Variants in BIRC5 observed in about 807,000 individuals in gnomAD.
The protein encoded by BIRC5 is baculoviral IAP repeat-containing protein 5.
BIRC5 carries 8 observed loss-of-function variants against 15.8 expected under a neutral mutation model. The observed-to-expected ratio is 0.51, with a 90% confidence interval of 0.30 to 0.91. The LOEUF (loss-of-function observed/expected upper bound fraction) is 0.91, where lower values mean the gene tolerates loss of function less well. Among genes scored for constraint, BIRC5 ranks in the 40% least tolerant of loss-of-function variants. The pLI is 0.07. For missense variants in BIRC5, 163 were observed against 178.6 expected, an observed-to-expected ratio of 0.91 and a Z score of 0.50; for synonymous variants, 56 against 64.5, an observed-to-expected ratio of 0.87 and a Z score of 0.63.
chr17:78,220,516 T>C (rs2856270), intron 3 of BIRC5, among the ~76,000 whole-genome samples: 98,298 of 151,596 alleles, frequency 0.65, 31,924 homozygotes, highest in Middle Eastern at 0.77. Flanking sequence ...GCAGGAGACC[T>C]CTCGGTCTCT....
chr17:78,219,778 C>T (rs376490792), intron 3 of BIRC5, among the ~76,000 whole-genome samples: 42 of 152,254 alleles, frequency 2.8e-4, no homozygotes, highest in African/African-American at 9.1e-4. Context: ...ATTCTTAGCC[C>T]GTGGGCTGGA....
intron 2 of BIRC5, 150 bp from the exon 3 acceptor site, chr17:78,216,514 G>T: frequency 1.5e-6 from 1 of 666,656 alleles, no homozygotes. Flanking sequence ...CTTGGGCAAA[G>T]CACTGATGCC....
chr17:78,222,794 G>A (rs751534472), intron 3 of BIRC5: 142 of 1,534,680 alleles, frequency 9.3e-5, no homozygotes, highest in Non-Finnish European at 1.2e-4. Flanking sequence ...GGGGGTCCCT[G>A]GATTTGCTAA....
Position 78,215,274 on chromosome 17 carries a change from G to A in BIRC5, c.221+485G>A, listed in dbSNP as rs768838846. ...TCTACTAAAAATACAAAAATTAGCCGGGCATGGTAGCGCACGCCCGTAATC... is the reference window on the plus strand; with the variant it reads ...TCTACTAAAAATACAAAAATTAGCCAGGCATGGTAGCGCACGCCCGTAATC... On this transcript the variant is annotated intron_variant, in intron 2 of 3. Transcript: ENST00000350051. Among the ~76,000 whole-genome samples the A allele has an allele frequency of 4.6e-5, 7 of 152,172 alleles. No individual in the cohort carries two copies. In the South Asian group the frequency reaches 6.2e-4, roughly 14 times the overall value.
At position 78,225,224 on chromosome 17, in the gene BIRC5, C is replaced by T. The variant is rs904070308; in HGVS notation, c.*1670C>T. On this transcript the variant is annotated 3_prime_UTR_variant, in exon 4 of 4. Coordinates refer to ENST00000350051, the MANE Select transcript of BIRC5 (RefSeq NM_001168.3). ...GTGGGCAGGGCTGAGCTGGAGCCGCCCCTCTCAGCCCGCCTGCCACGGCCT... is the reference window on the plus strand; with the variant it reads ...GTGGGCAGGGCTGAGCTGGAGCCGCTCCTCTCAGCCCGCCTGCCACGGCCT... The T allele has an allele frequency of 3.3e-5, 5 of 152,218 alleles. No homozygotes were observed. The highest frequency in any genetic ancestry group is 1.2e-4 in the African/African-American group (5 of 41,454). The allele number at this position is 152,218 out of a possible 1,614,324, so 9.4% of individuals were successfully genotyped here. A position where few individuals can be genotyped will look rare whatever the true frequency, so the allele number is the denominator to read the frequency against.
chr17:78,223,600 C>T lies in BIRC5; in HGVS notation c.*46C>T. 6.2e-7 allele frequency: 1 copy of T among 1,612,322 alleles called. No homozygotes were observed. Among genetic ancestry groups the T allele is most frequent in the Non-Finnish European group, 8.5e-7 (1 of 1,179,070 alleles). Reference sequence around the variant, plus strand: ...TGGTCCCAGAGTGGCTGCACCACTTCCAGGGTTTATTCCCTGGTGCCACCA... The same window carrying T: ...TGGTCCCAGAGTGGCTGCACCACTTTCAGGGTTTATTCCCTGGTGCCACCA... On this transcript the variant is annotated 3_prime_UTR_variant, in exon 4 of 4. Transcript: ENST00000350051.
At chr17:78,220,241 A>C (rs2076505892) in intron 3 of BIRC5, among the ~76,000 whole-genome samples, 1 of 152,148 alleles carries the variant, frequency 6.6e-6, no homozygotes, top group African/African-American at 2.4e-5. Flanking sequence ...ATCCTGGCTA[A>C]CATGGTGAAA....
chr17:78,220,993 G>A (rs543404092), intron 3 of BIRC5, among the ~76,000 whole-genome samples: 2 of 152,342 alleles, frequency 1.3e-5, no homozygotes, highest in South Asian at 2.1e-4. Flanking sequence ...CCAGGAGGGC[G>A]CTGCTGTGGA....
intron 3 of BIRC5, chr17:78,222,993 G>C: frequency 6.7e-7 from 1 of 1,482,974 alleles, no homozygotes; most frequent in Non-Finnish European, 8.9e-7. Flanking sequence ...CAGGAGAAAG[G>C]TAGGGCAGTG....
chr17:78,216,734 C>T lies in BIRC5; in HGVS notation c.292C>T (p.Leu98Phe). The change falls in exon 3 of 4, where the codon CTT (leucine) becomes TTT (phenylalanine). Residue 98 changes from leucine to phenylalanine, a missense_variant. Transcript: ENST00000350051. ...SVKKQFEELTLGEFLKLDRER... is the reference protein window; with the variant it reads ...SVKKQFEELTFGEFLKLDRER... ...CAAGAAGCAGTTTGAAGAATTAACCCTTGGTGAATTTTTGAAACTGGACAG... is the reference window on the plus strand; with the variant it reads ...CAAGAAGCAGTTTGAAGAATTAACCTTTGGTGAATTTTTGAAACTGGACAG... 1 of 1,614,018 alleles carries T rather than the reference C, an allele frequency of 6.2e-7. No individual in the cohort carries two copies. Among genetic ancestry groups the T allele is most frequent in the Non-Finnish European group, 8.5e-7 (1 of 1,179,942 alleles).
chr17:78,217,477 C>G, intron 3 of BIRC5, among the ~76,000 whole-genome samples: 2 of 150,854 alleles, frequency 1.3e-5, no homozygotes, highest in South Asian at 4.2e-4. Context: ...CACCTGGCCT[C>G]AGGAAGTATT....
In BIRC5 at chr17:78,214,385, G is replaced by C; in HGVS notation, c.69G>C (p.Lys23Asn). 6.2e-7 allele frequency: 1 copy of C among 1,602,840 alleles called. No individual in the cohort carries two copies. Among genetic ancestry groups the C allele is most frequent in the South Asian group, 1.1e-5 (1 of 90,308 alleles). ...FLKDHRISTF[K>N]NWPFLEGCAC... ...AGGACCACCGCATCTCTACATTCAA[G>C]AACTGGCCCTTCTTGGAGGGCTGCG... The change falls in exon 1 of 4, where the codon AAG becomes AAC. Residue 23 changes from lysine (K) to asparagine (N), a missense_variant. Physicochemically the swap from Lys to Asn is moderately conservative, Grantham distance 94 (BLOSUM62 0). Coordinates refer to ENST00000350051, the MANE Select transcript of BIRC5 (RefSeq NM_001168.3).
At chr17:78,216,804 G>C (rs1007437285) in intron 3 of BIRC5, 23 bp downstream of exon 3, 2 of 1,565,996 alleles carry the variant, frequency 1.3e-6, no homozygotes, top group African/African-American at 1.4e-5. Flanking sequence ...AATAAGAACT[G>C]CTCAAACCCT....
intron 2 of BIRC5, chr17:78,215,016 T>C (rs545893311): frequency 4.1e-6 from 2 of 486,330 alleles, no homozygotes; most frequent in East Asian, 7.8e-5. Context: ...AGATGCCTGA[T>C]GCCTTTCATG....
rs77183789 is a variant in BIRC5 at position 78,216,446 on chromosome 17, G to T, written c.222-218G>T. The stretch of plus-strand genomic sequence containing the variant: ...ATAGATACATTAGCCACACAGATGT[G>T]GGGGGAGATGTCCACAGGGAGAGAG... On this transcript the variant is annotated intron_variant, in intron 2 of 3. Coordinates refer to ENST00000350051, the MANE Select transcript of BIRC5 (RefSeq NM_001168.3). The T allele has an allele frequency of 1.3e-3, 631 of 488,148 alleles. 3 individuals are homozygous for T. The highest frequency in any genetic ancestry group is 0.011 in the East Asian group (313 of 28,364). The allele number at this position is 488,148 out of a possible 1,614,324, so 30.2% of individuals were successfully genotyped here. A position where few individuals can be genotyped will look rare whatever the true frequency, so the allele number is the denominator to read the frequency against.
At chr17:78,217,819 GACTC>G (rs2076490171) in intron 3 of BIRC5, among the ~76,000 whole-genome samples, 1 of 151,542 alleles carries the variant, frequency 6.6e-6, no homozygotes, top group East Asian at 1.9e-4. Flanking sequence ...TTGAGACAGG[GACTC>G]ACTCTGTCAC....
intron 2 of BIRC5, chr17:78,216,346 G>A (rs1200437156): frequency 9.5e-6 from 2 of 210,878 alleles, no homozygotes; most frequent in African/African-American, 4.6e-5. Flanking sequence ...ATGTTGGAGG[G>A]ATTTGACATG....
At chr17:78,216,880 A>ATT (rs376637371) in intron 3 of BIRC5, 99 bp downstream of exon 3, 1,141 of 685,762 alleles carry the variant, frequency 1.7e-3, no homozygotes, top group East Asian at 2.9e-3. Flanking sequence ...CTCAGGAAGC[A>ATT]TTTTTTTTTT....
At chr17:78,218,862 C>T (rs915480755) in intron 3 of BIRC5, among the ~76,000 whole-genome samples, 1 of 151,966 alleles carries the variant, frequency 6.6e-6, no homozygotes, top group Non-Finnish European at 1.5e-5. Flanking sequence ...CTGCCTCGGC[C>T]TCCCAAAGCG....
Sources: allele counts gnomAD v4.1 joint callset (sites outside exome capture counted in the v4.1 genomes callset), GRCh38; gene constraint gnomAD v4.1.1; transcripts MANE v1.5; gene names NCBI Gene and HGNC (gene_info 2026-07-23, HGNC 2026-07-21).